C19orf47: variants seen among roughly 807,000 people sequenced by gnomAD.
C19orf47 encodes the protein uncharacterized protein C19orf47.
In C19orf47, 18 loss-of-function variants were observed where a neutral mutation model predicts 32.3. The observed-to-expected ratio is 0.56, with a 90% CI of 0.39 to 0.83. The LOEUF is 0.83. C19orf47 is among the 40% of genes least tolerant of loss of function. The probability of loss-of-function intolerance (pLI) is 0.00; values close to 1 mark genes in which losing one functional copy is unlikely to be tolerated. For synonymous variants in C19orf47, 202 were observed against 211.1 expected, an observed-to-expected ratio of 0.96 and a Z score of 0.37; for missense variants, 484 against 531.6, an observed-to-expected ratio of 0.91 and a Z score of 0.88.
intron 2 of C19orf47, among the ~76,000 whole-genome samples, chr19:40,340,497 A>G (rs550906103): frequency 6.6e-6 from 1 of 151,722 alleles, no homozygotes; most frequent in South Asian, 2.1e-4. Flanking sequence ...CCTGGCCAAC[A>G]TGGTGAAACC....
At chr19:40,339,930 G>A (rs955837992) in intron 2 of C19orf47, among the ~76,000 whole-genome samples, 7 of 147,388 alleles carry the variant, frequency 4.7e-5, no homozygotes, top group African/African-American at 1.3e-4. Flanking sequence ...AGCCGAGATC[G>A]CACCACTGCA....
rs2077715914 is a variant in C19orf47, at chr19:40,321,428, G to C, written c.*454C>G. 1 of 998,854 alleles carries C rather than the reference G, an allele frequency of 1.0e-6. No homozygotes were observed. Among genetic ancestry groups the C allele is most frequent in the Admixed American group, 5.6e-5 (1 of 17,762 alleles). 61.9% of individuals were successfully genotyped at this position (998,854 alleles called of 1,614,324 possible). ...GAGAGAGAAGTCACAGCAGTGGGGG[G>C]AGGCGCAGAGGAGTGAGGGAGGTCA... On this transcript the variant is annotated 3_prime_UTR_variant, in exon 9 of 9. Transcript: ENST00000683109.
At chr19:40,343,423 T>A (rs775374589) in intron 1 of C19orf47, 4 of 152,098 alleles carry the variant, frequency 2.6e-5, no homozygotes, top group Non-Finnish European at 2.9e-5. Flanking sequence ...ACTTCAACAG[T>A]CAGGCCGCGG....
chr19:40,296,369 C>T, the C19orf47 span, among the ~76,000 whole-genome samples: 5 of 152,222 alleles, frequency 3.3e-5, no homozygotes, highest in East Asian at 9.7e-4. Context: ...CGACCTCTGC[C>T]TCCTGGATTC....
the C19orf47 span, among the ~76,000 whole-genome samples, chr19:40,297,438 C>G: frequency 6.6e-6 from 1 of 152,124 alleles, no homozygotes; most frequent in African/African-American, 2.4e-5. Flanking sequence ...CGTGGTGGCT[C>G]ACGCCTGTAA....
At chr19:40,343,077 T>C (rs1360958131) in intron 1 of C19orf47, among the ~76,000 whole-genome samples, 2 of 152,176 alleles carry the variant, frequency 1.3e-5, no homozygotes, top group African/African-American at 4.8e-5. Flanking sequence ...TTCAACGCTA[T>C]GCGACTCCAG....
At chr19:40,334,009 T>C (rs2078008867) in intron 4 of C19orf47, 80 bp from the exon 5 acceptor site, 4 of 1,036,102 alleles carry the variant, frequency 3.9e-6, no homozygotes, top group African/African-American at 1.6e-5. Context: ...ACCACAAGGA[T>C]CAACACCTGA....
At chr19:40,325,276 A>C (rs892810563) in intron 7 of C19orf47, among the ~76,000 whole-genome samples, 1 of 152,104 alleles carries the variant, frequency 6.6e-6, no homozygotes, top group African/African-American at 2.4e-5. Context: ...TTTCAAAAAA[A>C]AAAAAAAGTT....
intron 5 of C19orf47, among the ~76,000 whole-genome samples, chr19:40,330,537 C>CCG: frequency 1.8e-5 from 2 of 108,854 alleles, no homozygotes; most frequent in Admixed American, 2.3e-4. Context: ...CATACCCGGC[C>CCG]CTCTTTTTTT....
the C19orf47 span, among the ~76,000 whole-genome samples, chr19:40,308,107 A>C: frequency 4.6e-5 from 7 of 152,220 alleles, no homozygotes; most frequent in African/African-American, 1.4e-4. Context: ...CTGATAATTC[A>C]GGACCAAGTA....
chr19:40,318,654 G>A (rs920629852), downstream of C19orf47, among the ~76,000 whole-genome samples: 2 of 152,146 alleles, frequency 1.3e-5, no homozygotes, highest in Admixed American at 6.5e-5. Context: ...CTGAAGGGGC[G>A]GCCCCTGGAA....
intron 1 of C19orf47, among the ~76,000 whole-genome samples, chr19:40,344,124 C>T (rs1264324371): frequency 6.6e-6 from 1 of 151,932 alleles, no homozygotes; most frequent in Non-Finnish European, 1.5e-5. Context: ...CCACAGACAT[C>T]ACTCTGTCCT....
chr19:40,318,374 T>A (rs917441569), downstream of C19orf47, among the ~76,000 whole-genome samples: 1 of 152,292 alleles, frequency 6.6e-6, no homozygotes, highest in African/African-American at 2.4e-5. Flanking sequence ...TCTGTGCCTC[T>A]GTAAAGCGCA....
At chr19:40,326,905 C>T (rs1207881530) in intron 6 of C19orf47, among the ~76,000 whole-genome samples, 1 of 152,058 alleles carries the variant, frequency 6.6e-6, no homozygotes, top group African/African-American at 2.4e-5. Flanking sequence ...ATAAGTTACA[C>T]CTCAATTTAA....
At chr19:40,347,827 A>C (rs73046328) in intron 1 of C19orf47, among the ~76,000 whole-genome samples, 3,559 of 152,226 alleles carry the variant, frequency 0.023, 67 homozygotes, top group African/African-American at 0.044. Flanking sequence ...TCACTGTGCC[A>C]GCCCCTCTGC....
At chr19:40,303,639 C>T in the C19orf47 span, among the ~76,000 whole-genome samples, 1 of 151,066 alleles carries the variant, frequency 6.6e-6, no homozygotes, top group African/African-American at 2.4e-5. Context: ...CCCGTCTCTA[C>T]TAAAAATACA....
At chr19:40,335,073 G>T (rs931211873) in intron 4 of C19orf47, among the ~76,000 whole-genome samples, 19 of 149,444 alleles carry the variant, frequency 1.3e-4, no homozygotes, top group African/African-American at 4.4e-4. Context: ...AGGGAGGGAG[G>T]GAGACAGTGC....
upstream of C19orf47, chr19:40,348,435 A>G (rs1168467819): frequency 2.5e-5 from 38 of 1,491,836 alleles, no homozygotes; most frequent in Non-Finnish European, 3.0e-5. Flanking sequence ...GCATCCTCTC[A>G]CCGCCGGAAG....
At chr19:40,338,777 C>T (rs1398659934) in intron 2 of C19orf47, among the ~76,000 whole-genome samples, 4 of 152,136 alleles carry the variant, frequency 2.6e-5, no homozygotes, top group African/African-American at 9.7e-5. Context: ...CTCGGCCTCC[C>T]AAAGTGCTGG....
Sources: gnomAD v4.1 joint callset for allele counts (sites outside exome capture counted in the v4.1 genomes callset) on GRCh38, gnomAD v4.1.1 for gene constraint, MANE v1.5 for transcripts, NCBI Gene and HGNC (gene_info 2026-07-23, HGNC 2026-07-21) for gene names.